Variants in TCOF1 observed in about 807,000 individuals in gnomAD.
The protein encoded by TCOF1 is treacle protein.
A neutral mutation model predicts 149.0 loss-of-function variants in TCOF1; 33 were observed. That is an observed-to-expected ratio of 0.22 (90% CI 0.17 to 0.30). The LOEUF is 0.30. TCOF1 is among the 10% of genes least tolerant of loss of function. TCOF1 has a pLI of 1.00. For missense variants in TCOF1, 1,728 were observed against 1,840.7 expected, an observed-to-expected ratio of 0.94 and a Z score of 1.12; for synonymous variants, 789 against 738.8, an observed-to-expected ratio of 1.07 and a Z score of -1.10.
chr5:150,388,202 G>A (rs1007572075), intron 18 of TCOF1, 114 bp downstream of exon 18: 2 of 1,436,622 alleles, frequency 1.4e-6, no homozygotes, highest in African/African-American at 1.4e-5. Context: ...GTCGGGAGGG[G>A]CTTGGGGTCA....
intron 2 of TCOF1, among the ~76,000 whole-genome samples, chr5:150,361,849 A>G: frequency 6.6e-6 from 1 of 152,164 alleles, no homozygotes; most frequent in Non-Finnish European, 1.5e-5. Context: ...GGTGGACAGT[A>G]CAGATGGGGC....
intron 7 of TCOF1, 54 bp from the exon 8 acceptor site, chr5:150,374,120 T>A (rs2150679732): frequency 6.4e-7 from 1 of 1,563,494 alleles, no homozygotes; most frequent in African/African-American, 1.4e-5. Context: ...CCTAAAGGCA[T>A]CACCAGAGAG....
intron 2 of TCOF1, among the ~76,000 whole-genome samples, chr5:150,361,493 A>G (rs935424113): frequency 1.3e-5 from 2 of 152,246 alleles, no homozygotes; most frequent in Non-Finnish European, 1.5e-5. Context: ...CCTGAAAGCC[A>G]AGTCCTGTTC....
In TCOF1 at chr5:150,379,293, C is replaced by G. The variant is rs1764492578; in HGVS notation, c.2543C>G (p.Pro848Arg). The change falls in exon 16 of 27, where the codon CCA becomes CGA. Residue 848 changes from proline to arginine, a missense_variant. Around this residue, in one of 2 missense-constraint regions of TCOF1, gnomAD observed 1,696 missense variants for 1,765.4 expected, o/e 0.96. Coordinates refer to ENST00000643257, the MANE Select transcript of TCOF1 (RefSeq NM_001371623.1). ...TVLARGPASVPSVGKAVATAA... is the reference protein window; with the variant it reads ...TVLARGPASVRSVGKAVATAA... ...TTGGCGAGGGGCCCAGCATCTGTGC[C>G]ATCTGTGGGGAAGGCCGTGGCTACA... 2 of 1,614,104 alleles carry G rather than the reference C, an allele frequency of 1.2e-6. No homozygotes were observed. Among genetic ancestry groups the G allele is most frequent in the Admixed American group, 1.7e-5 (1 of 60,012 alleles).
In TCOF1 at chr5:150,357,806, G is replaced by T. The variant is rs972510022; in HGVS notation, c.60G>T (p.Arg20=). The change falls in exon 1 of 27, where the codon CGG becomes CGT. Residue 20 remains arginine (R), a synonymous_variant. Coordinates refer to ENST00000643257, the MANE Select transcript of TCOF1 (RefSeq NM_001371623.1). ...CCCTGATCTACCACCATCTGCTGCG[G>T]GCTGGCTATGTGCGTGCGGCGCGGG... The part of the protein sequence containing the change: ...LLPLIYHHLL[R]AGYVRAAREV... The T allele has an allele frequency of 6.5e-7, 1 of 1,549,858 alleles. No homozygotes were observed.
In TCOF1 at chr5:150,392,262, A is replaced by G. The variant is rs528866665; in HGVS notation, c.3517+86A>G. The stretch of plus-strand genomic sequence containing the variant: ...GAGCCATAGCTCTGGCCTCAGCTCC[A>G]TATCTCAGACTCATTCTGCACCTGT... On this transcript the variant is annotated intron_variant, in intron 21 of 26. Coordinates refer to ENST00000643257, the MANE Select transcript of TCOF1 (RefSeq NM_001371623.1). 6 of 1,397,648 alleles carry G rather than the reference A, an allele frequency of 4.3e-6. No homozygotes were observed. The African/African-American group carries it at 5.7e-5, about 13-fold the overall frequency. The allele number at this position is 1,397,648 out of a possible 1,614,324, so 86.6% of individuals were successfully genotyped here.
rs1562287919 is a variant in TCOF1, at chr5:150,364,177, C to T, written c.229C>T (p.Arg77Cys). Residue 77 changes from arginine to cysteine, a missense_variant, in exon 3 of 27, where the codon CGT (arginine) becomes TGT (cysteine). By Grantham distance (180) the Arg-to-Cys change is radical. Transcript: ENST00000643257. ...EDAALQAKKT[R>C]VSDPISTSES... is the part of the protein sequence containing the mutation. ...TGCGGCACTGCAAGCTAAGAAAACCCGTGTGTCAGACCCCATCAGCACCTC... is the reference window on the plus strand; with the variant it reads ...TGCGGCACTGCAAGCTAAGAAAACCTGTGTGTCAGACCCCATCAGCACCTC... 1.2e-6 allele frequency: 2 copies of T among 1,614,116 alleles called. No individual in the cohort carries two copies. Among genetic ancestry groups the T allele is most frequent in the African/African-American group, 1.3e-5 (1 of 75,002 alleles).
chr5:150,377,347 C>T (rs1764037778), intron 14 of TCOF1, among the ~76,000 whole-genome samples: 1 of 152,142 alleles, frequency 6.6e-6, no homozygotes, highest in Non-Finnish European at 1.5e-5. Flanking sequence ...GGTGAGATCT[C>T]ACCTGCTACA....
intron 19 of TCOF1, 124 bp downstream of exon 19, chr5:150,390,147 C>A: frequency 6.8e-7 from 1 of 1,463,664 alleles, no homozygotes; most frequent in Non-Finnish European, 9.3e-7. Flanking sequence ...GAGGTCGTGG[C>A]CTCACAGCCA....
intron 14 of TCOF1, chr5:150,378,610 A>G (rs908832104): frequency 2.1e-5 from 9 of 429,166 alleles, no homozygotes; most frequent in Admixed American, 1.5e-4. Flanking sequence ...AGCTAATGCT[A>G]AGGAAGGCAC....
intron 17 of TCOF1, chr5:150,384,238 GAAC>G (rs1765816885): frequency 2.0e-6 from 2 of 993,656 alleles, no homozygotes; most frequent in South Asian, 4.6e-5. Context: ...CAAAAGTAAA[GAAC>G]AACCACCACC....
chr5:150,376,525 C>A lies in TCOF1; in HGVS notation c.2245C>A (p.Pro749Thr). The A allele has an allele frequency of 6.2e-7, 1 of 1,611,456 alleles. No individual in the cohort carries two copies. Among genetic ancestry groups the A allele is most frequent in the Non-Finnish European group, 8.5e-7 (1 of 1,178,782 alleles). ...TAPVLPGKTGPTVTQVKAEKQ... is the reference protein window; with the variant it reads ...TAPVLPGKTGTTVTQVKAEKQ... The stretch of plus-strand genomic sequence containing the variant: ...TCCAGTACTCCCTGGGAAGACGGGG[C>A]CTACAGTCACCCAGGTGAAAGCTGA... The change falls in exon 14 of 27, where the codon CCT becomes ACT. Residue 749 changes from proline to threonine, a missense_variant. Coordinates refer to ENST00000643257, the MANE Select transcript of TCOF1 (RefSeq NM_001371623.1).
chr5:150,379,831 G>T (rs549689103), intron 17 of TCOF1, 99 bp downstream of exon 17: 1 of 1,447,082 alleles, frequency 6.9e-7, no homozygotes, highest in Non-Finnish European at 9.5e-7. Flanking sequence ...TAGCACTTTG[G>T]GAGGCCGAGG....
intron 24 of TCOF1, 55 bp downstream of exon 24, chr5:150,396,897 G>T (rs1047042882): frequency 1.9e-6 from 3 of 1,547,384 alleles, no homozygotes; most frequent in African/African-American, 2.7e-5. Context: ...CCCCACGGGG[G>T]CGGGAGGGAC....
At chr5:150,398,911 G>C in intron 25 of TCOF1, 111 bp from the exon 26 acceptor site, 1 of 1,499,610 alleles carries the variant, frequency 6.7e-7, no homozygotes, top group Non-Finnish European at 9.2e-7. Context: ...GGAGGTCGCT[G>C]CAGACCCAGT....
In TCOF1 at chr5:150,357,737, G is replaced by A; in HGVS notation, c.-10G>A. On this transcript the variant is annotated 5_prime_UTR_variant, in exon 1 of 27. Coordinates refer to ENST00000643257, the MANE Select transcript of TCOF1 (RefSeq NM_001371623.1). The stretch of plus-strand genomic sequence containing the variant: ...GCGTGCAGGTAGCCGGCCGGCCGGG[G>A]GTCGCGGGTATGGCCGAGGCCAGGA... The A allele has an allele frequency of 6.5e-7, 1 of 1,548,090 alleles. No homozygotes were observed.
At chr5:150,391,848 A>G (rs1767507726) in intron 20 of TCOF1, 109 bp from the exon 21 acceptor site, 1 of 1,200,592 alleles carries the variant, frequency 8.3e-7, no homozygotes, top group Non-Finnish European at 1.2e-6. Context: ...ATGAGGCTGC[A>G]TGTGTGCCCC....
intron 23 of TCOF1, 50 bp downstream of exon 23, chr5:150,393,602 C>A: frequency 6.2e-7 from 1 of 1,611,322 alleles, no homozygotes; most frequent in Non-Finnish European, 8.5e-7. Context: ...AGGGACAGGG[C>A]AGTGGGCCCC....
intron 14 of TCOF1, among the ~76,000 whole-genome samples, chr5:150,378,423 C>T (rs1764300813): frequency 2.0e-5 from 3 of 152,250 alleles, no homozygotes; most frequent in East Asian, 3.9e-4. Flanking sequence ...CTTGTTCTGC[C>T]GTGGCTGCTT....
Sources: allele counts gnomAD v4.1 joint callset (sites outside exome capture counted in the v4.1 genomes callset), GRCh38; gene constraint gnomAD v4.1.1; regional missense constraint gnomAD v4.1.1; transcripts MANE v1.5; gene names NCBI Gene and HGNC (gene_info 2026-07-23, HGNC 2026-07-21).